IQANK1: variants seen among roughly 807,000 people sequenced by gnomAD.
The protein encoded by IQANK1 is IQ motif and ankyrin repeat domain-containing protein 1.
A neutral mutation model predicts 22.6 loss-of-function variants in IQANK1; 30 were observed. That is an observed-to-expected ratio of 1.33 (90% confidence interval 0.99 to 1.80). The LOEUF (loss-of-function observed/expected upper bound fraction) is 1.80, where lower values mean the gene tolerates loss of function less well. IQANK1 is among the 40% of genes most tolerant of loss of function. The pLI is 0.00. For missense variants in IQANK1, 275 were observed against 235.2 expected, an observed-to-expected ratio of 1.17 and a Z score of -1.11; for synonymous variants, 122 against 99.6, an observed-to-expected ratio of 1.23 and a Z score of -1.34.
intron 3 of IQANK1, among the ~76,000 whole-genome samples, chr8:143,749,344 A>AC (rs1433772943): frequency 9.7e-3 from 42 of 4,322 alleles, no homozygotes; most frequent in Middle Eastern, 0.5. Context: ...AATATATAAA[A>AC]ACATAAATAT....
intron 3 of IQANK1, among the ~76,000 whole-genome samples, chr8:143,761,990 G>A (rs937352373): frequency 1.6e-4 from 24 of 152,070 alleles, no homozygotes; most frequent in African/African-American, 4.8e-4. Flanking sequence ...TCTACTTATC[G>A]TAGAGCTTCT....
At chr8:143,737,999 G>A (rs539070981) in intron 2 of IQANK1, among the ~76,000 whole-genome samples, 2 of 152,334 alleles carry the variant, frequency 1.3e-5, no homozygotes, top group Non-Finnish European at 2.9e-5. Flanking sequence ...AGCAGTGGCC[G>A]GCACCGGTCT....
chr8:143,756,771 G>A (rs534438783), intron 3 of IQANK1, among the ~76,000 whole-genome samples: 66 of 150,726 alleles, frequency 4.4e-4, no homozygotes, highest in Non-Finnish European at 8.3e-4. Context: ...TTTCAGACCA[G>A]CCTGGGCAAC....
chr8:143,772,399 G>A lies in IQANK1; in HGVS notation c.706G>A (p.Gly236Ser), dbSNP rs896822242. The stretch of plus-strand genomic sequence containing the variant: ...GCCGCTGTACCGTGCAGCCTTTGGG[G>A]GCCACCTGGCAGCTGTGGAGGTGCT... Reference protein sequence around the residue: ...PTPLYRAAFGGHLAAVEVLLK... With the variant: ...PTPLYRAAFGSHLAAVEVLLK... Residue 236 changes from glycine to serine, a missense_variant, in exon 7 of 14, where the codon GGC becomes AGC. Gly to Ser is a moderately conservative substitution (Grantham distance 56). Coordinates refer to ENST00000527139, the MANE Select transcript of IQANK1 (RefSeq NM_001381874.1). The A allele has an allele frequency of 2.5e-6, 1 of 399,514 alleles. No individual in the cohort carries two copies. The highest frequency in any genetic ancestry group is 2.1e-5 in the African/African-American group (1 of 48,772). 24.7% of individuals were successfully genotyped at this position (399,514 alleles called of 1,614,324 possible).
At chr8:143,743,136 A>G (rs57700399) in intron 3 of IQANK1, 4 of 426,708 alleles carry the variant, frequency 9.4e-6, no homozygotes, top group Non-Finnish European at 1.9e-5. Context: ...GCTGACGTCG[A>G]GGAAAGCCAG....
In IQANK1 at chr8:143,771,591, G is replaced by C; in HGVS notation, c.279G>C (p.Leu93=). The change falls in exon 4 of 14, where the codon CTG becomes CTC. Residue 93 remains leucine (L), a synonymous_variant. Coordinates refer to ENST00000527139, the MANE Select transcript of IQANK1 (RefSeq NM_001381874.1). This position sits in a 1 kb window ranked among gnomAD's most constrained non-coding sequence, Gnocchi z 6.0. ...ARRREERREY[L]EQMETPQKEA... ...GCCGGGAGGAGCGCCGGGAGTACCT[G>C]GAGCAGATGGAGACGCCGCAGAAGG... 2.5e-6 allele frequency: 1 copy of C among 398,522 alleles called. No homozygotes were observed. Among genetic ancestry groups the C allele is most frequent in the Non-Finnish European group, 4.4e-6 (1 of 226,046 alleles). 24.7% of individuals were successfully genotyped at this position (398,522 alleles called of 1,614,324 possible).
chr8:143,765,276 G>A (rs988644698), intron 3 of IQANK1, among the ~76,000 whole-genome samples: 1 of 151,862 alleles, frequency 6.6e-6, no homozygotes, highest in African/African-American at 2.4e-5. Context: ...AGAATCACTT[G>A]AACCCTGGAG....
intron 7 of IQANK1, among the ~76,000 whole-genome samples, chr8:143,785,676 C>T (rs1819872115): frequency 6.6e-6 from 1 of 151,728 alleles, no homozygotes; most frequent in Non-Finnish European, 1.5e-5. Flanking sequence ...CCTCCTGCCC[C>T]AGCTTCCCAA....
At chr8:143,766,847 A>T (rs1259874665) in intron 3 of IQANK1, among the ~76,000 whole-genome samples, 1 of 152,098 alleles carries the variant, frequency 6.6e-6, no homozygotes, top group African/African-American at 2.4e-5. Flanking sequence ...GTCCATCTGG[A>T]ATTGCCTGTT....
At chr8:143,761,020 C>T (rs1237130275) in intron 3 of IQANK1, among the ~76,000 whole-genome samples, 1 of 152,188 alleles carries the variant, frequency 6.6e-6, no homozygotes, top group African/African-American at 2.4e-5. Flanking sequence ...GAGCCGAAGA[C>T]GGTCAGGGAG....
intron 7 of IQANK1, among the ~76,000 whole-genome samples, chr8:143,775,821 C>CACACACA (rs1439862039): frequency 6.4e-5 from 9 of 141,400 alleles, no homozygotes; most frequent in African/African-American, 2.8e-4. Flanking sequence ...CACACACACA[C>CACACACA]ACCATTCCTA....
chr8:143,740,337 C>G (rs1173236177), intron 3 of IQANK1, among the ~76,000 whole-genome samples: 2 of 152,190 alleles, frequency 1.3e-5, no homozygotes, highest in Non-Finnish European at 2.9e-5. Flanking sequence ...CGGGGCCCTG[C>G]GCGTCGCCTT....
intron 3 of IQANK1, chr8:143,743,049 C>T (rs1474652570): frequency 2.2e-6 from 1 of 456,056 alleles, no homozygotes; most frequent in Non-Finnish European, 4.4e-6. Flanking sequence ...GGGCCCTGTG[C>T]CTGTGTCCCG....
chr8:143,777,076 T>G (rs1819699892), intron 7 of IQANK1, among the ~76,000 whole-genome samples: 1 of 151,916 alleles, frequency 6.6e-6, no homozygotes, highest in Admixed American at 6.6e-5. Context: ...AAGTGAGACG[T>G]GATTGTGCCA....
At chr8:143,740,196 C>T (rs1447052513) in intron 3 of IQANK1, among the ~76,000 whole-genome samples, 1 of 151,998 alleles carries the variant, frequency 6.6e-6, no homozygotes, top group Admixed American at 6.5e-5. Flanking sequence ...ACCTCCCCGC[C>T]GCCCGGGTGC....
chr8:143,759,190 C>T (rs992656523), intron 3 of IQANK1: 18 of 247,448 alleles, frequency 7.3e-5, no homozygotes, highest in African/African-American at 1.8e-4. Flanking sequence ...GGCCAGCAGC[C>T]GTCACAGCAG....
chr8:143,771,480 C>A lies in IQANK1; in HGVS notation c.176-8C>A, dbSNP rs1361443844. On this transcript the variant is annotated splice_polypyrimidine_tract_variant and splice_region_variant and intron_variant, in intron 3 of 13. Transcript: ENST00000527139. This position sits in a 1 kb window ranked among gnomAD's most constrained non-coding sequence, Gnocchi z 6.0. ...GAACGCGCCCCCGTGAGCCTCTCCC[C>A]ACCCCAGGGCCGGCCGAGGACCGAG... 1.5e-5 allele frequency: 6 copies of A among 397,548 alleles called. No homozygotes were observed. The highest frequency in any genetic ancestry group is 6.2e-5 in the African/African-American group (3 of 48,552). The allele number at this position is 397,548 out of a possible 1,614,324, so 24.6% of individuals were successfully genotyped here. A position where few individuals can be genotyped will look rare whatever the true frequency, so the allele number is the denominator to read the frequency against.
intron 7 of IQANK1, among the ~76,000 whole-genome samples, chr8:143,776,477 AGAG>A (rs1285581587): frequency 1.3e-5 from 2 of 152,224 alleles, no homozygotes; most frequent in Admixed American, 6.5e-5. Flanking sequence ...CAAATCAGAA[AGAG>A]ATCTCCAAGA....
chr8:143,747,800 A>G (rs572278266), intron 3 of IQANK1, among the ~76,000 whole-genome samples: 1 of 152,248 alleles, frequency 6.6e-6, no homozygotes, highest in Non-Finnish European at 1.5e-5. Flanking sequence ...GTGGCCTAAC[A>G]TATGGTCTAC....
Sources: gnomAD v4.1 joint callset for allele counts (sites outside exome capture counted in the v4.1 genomes callset) on GRCh38, gnomAD v4.1.1 for gene constraint, Gnocchi (gnomAD v3.1) non-coding constraint, MANE v1.5 for transcripts, NCBI Gene and HGNC (gene_info 2026-07-23, HGNC 2026-07-21) for gene names.